Variants in BBX observed in about 807,000 individuals in gnomAD.
BBX encodes BBX high mobility group box domain containing, also known as HMG box transcription factor BBX.
In BBX, 30 loss-of-function variants were observed where a neutral mutation model predicts 100.2. That is an observed-to-expected ratio of 0.30 (90% CI 0.22 to 0.41). The LOEUF is 0.41. Among genes scored for constraint, BBX ranks in the 10% least tolerant of loss-of-function variants. The pLI, the probability that BBX is intolerant of heterozygous loss-of-function variation, is 1.00. For missense variants in BBX, 1,023 were observed against 1,129.8 expected (o/e 0.91, Z 1.35); for synonymous variants, 376 against 388.1 (o/e 0.97, Z 0.37).
At chr3:107,600,594 C>T (rs923628070) in intron 2 of BBX, among the ~76,000 whole-genome samples, 4 of 152,090 alleles carry the variant, frequency 2.6e-5, no homozygotes, top group African/African-American at 4.8e-5. Context: ...TCTTTGAAAC[C>T]TTTTATTCAT....
chr3:107,523,221 G>GGCGGCA (rs2047487052), intron 1 of BBX, 114 bp downstream of exon 1: 1 of 157,408 alleles, frequency 6.4e-6, no homozygotes, highest in East Asian at 1.3e-4. Flanking sequence ...CAGGAGCAGC[G>GGCGGCA]GCGGCGGCGG....
At chr3:107,750,587 A>G (rs1336095303) in intron 9 of BBX, among the ~76,000 whole-genome samples, 1 of 152,202 alleles carries the variant, frequency 6.6e-6, no homozygotes, top group Non-Finnish European at 1.5e-5. Flanking sequence ...CAAAGGATAC[A>G]TAACCTCTCT....
chr3:107,586,199 A>G (rs920381132), intron 2 of BBX, among the ~76,000 whole-genome samples: 1 of 152,176 alleles, frequency 6.6e-6, no homozygotes, highest in Non-Finnish European at 1.5e-5. Context: ...GAGGTTATTT[A>G]TATATTATTA....
chr3:107,548,971 C>T (rs1232430059), intron 2 of BBX, among the ~76,000 whole-genome samples: 3 of 152,084 alleles, frequency 2.0e-5, no homozygotes, highest in Non-Finnish European at 4.4e-5. Context: ...ATGGGAACAA[C>T]AAACCCTGGG....
rs2049340276 is a variant in BBX at position 107,547,691 on chromosome 3, A to G, written c.-84+21293A>G. Among the ~76,000 whole-genome samples, 3 of 152,128 alleles carry G rather than the reference A, an allele frequency of 2.0e-5. No homozygotes were observed. The South Asian group carries it at 6.2e-4, about 32-fold the overall frequency. On this transcript the variant is annotated intron_variant, in intron 2 of 17. Coordinates refer to ENST00000325805, the MANE Select transcript of BBX (RefSeq NM_001142568.3). ...TCTCACTTTGAAGATCATAACAAATATTACTGGTAGATGTAATTTATCCAA... is the reference window on the plus strand; with the variant it reads ...TCTCACTTTGAAGATCATAACAAATGTTACTGGTAGATGTAATTTATCCAA...
intron 3 of BBX, among the ~76,000 whole-genome samples, chr3:107,691,214 G>A (rs2060151613): frequency 6.6e-6 from 1 of 152,052 alleles, no homozygotes; most frequent in South Asian, 2.1e-4. Flanking sequence ...GGCCACTCTC[G>A]TACTTTTTAA....
intron 2 of BBX, among the ~76,000 whole-genome samples, chr3:107,571,872 A>G (rs2051393596): frequency 6.6e-6 from 1 of 152,196 alleles, no homozygotes; most frequent in South Asian, 2.1e-4. Flanking sequence ...GTGCATGTGT[A>G]TATGTGTGTA....
chr3:107,760,830 AC>A (rs2065840873), intron 10 of BBX, among the ~76,000 whole-genome samples: 1 of 152,184 alleles, frequency 6.6e-6, no homozygotes, highest in Admixed American at 6.5e-5. Flanking sequence ...TATTTTGTTG[AC>A]CTATATCATA....
intron 3 of BBX, among the ~76,000 whole-genome samples, chr3:107,654,897 A>G (rs1206254656): frequency 6.6e-6 from 1 of 152,222 alleles, no homozygotes; most frequent in Non-Finnish European, 1.5e-5. Context: ...ATGTCAACCC[A>G]GCATATGGCA....
chr3:107,608,110 G>A (rs2054583298), intron 2 of BBX, among the ~76,000 whole-genome samples: 2 of 152,008 alleles, frequency 1.3e-5, no homozygotes, highest in Non-Finnish European at 2.9e-5. Context: ...CTGCGCTTGT[G>A]GGGTATTACT....
At chr3:107,702,300 A>G (rs964749865) in intron 3 of BBX, among the ~76,000 whole-genome samples, 3 of 152,214 alleles carry the variant, frequency 2.0e-5, no homozygotes, top group African/African-American at 7.2e-5. Context: ...GAATAAAGGA[A>G]CATGTTTTAG....
At chr3:107,533,165 T>C (rs1449686503) in intron 2 of BBX, among the ~76,000 whole-genome samples, 1 of 152,194 alleles carries the variant, frequency 6.6e-6, no homozygotes, top group Non-Finnish European at 1.5e-5. Flanking sequence ...TTATGTAATA[T>C]GTGCTATAGG....
At chr3:107,776,563 A>G (rs1305765083) in intron 12 of BBX, among the ~76,000 whole-genome samples, 1 of 152,138 alleles carries the variant, frequency 6.6e-6, no homozygotes, top group Admixed American at 6.6e-5. Context: ...GAGAAATGCC[A>G]TTTCCTGTCA....
intron 13 of BBX, 121 bp downstream of exon 13, chr3:107,778,640 A>G (rs2067527007): frequency 8.9e-7 from 1 of 1,120,658 alleles, no homozygotes; most frequent in African/African-American, 1.6e-5. Context: ...GGGAGTTAGA[A>G]TCTTAGGTTG....
At chr3:107,570,732 T>C (rs1423709417) in intron 2 of BBX, among the ~76,000 whole-genome samples, 2 of 151,606 alleles carry the variant, frequency 1.3e-5, no homozygotes, top group East Asian at 1.9e-4. Flanking sequence ...GAGGAGCAGC[T>C]TGGGGAGGAG....
rs529972951 is a variant in BBX, at chr3:107,685,994, T to A, written c.-9-24458T>A. The stretch of plus-strand genomic sequence containing the variant: ...CCTTAAGAAGCTTTTCCTTTATTGA[T>A]CCAGTTCATTTCAGAGGCGGAAAGT... On this transcript the variant is annotated intron_variant, in intron 3 of 17. Coordinates refer to ENST00000325805, the MANE Select transcript of BBX (RefSeq NM_001142568.3). 4.6e-5 allele frequency among the ~76,000 whole-genome samples: 7 copies of A among 152,290 alleles called. No individual in the cohort carries two copies. In the East Asian group the frequency reaches 1.3e-3, roughly 29 times the overall value.
chr3:107,555,866 C>T (rs1199080558), intron 2 of BBX, among the ~76,000 whole-genome samples: 1 of 152,104 alleles, frequency 6.6e-6, no homozygotes, highest in Non-Finnish European at 1.5e-5. Flanking sequence ...TCATGGCTGT[C>T]TTAAACATTA....
intron 5 of BBX, among the ~76,000 whole-genome samples, chr3:107,717,310 G>C (rs544835618): frequency 6.6e-6 from 1 of 152,202 alleles, no homozygotes; most frequent in South Asian, 2.1e-4. Context: ...TCATGGGAAA[G>C]AGCCTTGATC....
intron 2 of BBX, among the ~76,000 whole-genome samples, chr3:107,601,410 A>G (rs1217205089): frequency 6.6e-6 from 1 of 152,246 alleles, no homozygotes. Flanking sequence ...CTAGCAGCTA[A>G]CCAAGTTGTG....
Sources: gnomAD v4.1 joint callset for allele counts (sites outside exome capture counted in the v4.1 genomes callset) on GRCh38, gnomAD v4.1.1 for gene constraint, MANE v1.5 for transcripts, NCBI Gene and HGNC (gene_info 2026-07-23, HGNC 2026-07-21) for gene names.